The following SMG7 variants were observed in gnomAD, a reference collection of about 807,000 sequenced individuals.
The protein encoded by SMG7 is nonsense-mediated mRNA decay factor SMG7.
SMG7 carries 34 observed loss-of-function variants against 148.2 expected under a neutral mutation model. The observed-to-expected ratio is 0.23, with a 90% CI of 0.17 to 0.31. The LOEUF is 0.31. Among genes scored for constraint, SMG7 ranks in the 10% least tolerant of loss-of-function variants. The pLI, the probability that SMG7 is intolerant of heterozygous loss-of-function variation, is 1.00. For missense variants in SMG7, 1,114 were observed against 1,408.4 expected, an observed-to-expected ratio of 0.79 and a Z score of 3.35; for synonymous variants, 492 against 515.1, an observed-to-expected ratio of 0.96 and a Z score of 0.61.
chr1:183,539,973 C>T (rs1479474162), intron 12 of SMG7, among the ~76,000 whole-genome samples: 2 of 152,164 alleles, frequency 1.3e-5, no homozygotes, highest in Non-Finnish European at 2.9e-5. Context: ...TTCCCAGTTG[C>T]TCCACTGTCT....
chr1:183,545,352 A>T, intron 16 of SMG7, 40 bp downstream of exon 16: 1 of 1,575,188 alleles, frequency 6.3e-7, no homozygotes, highest in South Asian at 1.1e-5. Flanking sequence ...TGAATGAAAT[A>T]AGGGGAAATG....
intron 1 of SMG7, among the ~76,000 whole-genome samples, chr1:183,474,250 G>C (rs1048938351): frequency 6.6e-6 from 1 of 152,212 alleles, no homozygotes; most frequent in African/African-American, 2.4e-5. Context: ...AAACAGCACA[G>C]AGTGTAAGTA....
At chr1:183,490,072 A>T (rs929388144) in intron 1 of SMG7, among the ~76,000 whole-genome samples, 2 of 152,188 alleles carry the variant, frequency 1.3e-5, no homozygotes, top group Non-Finnish European at 2.9e-5. Context: ...AACACTGGTA[A>T]AGTATGGTAT....
intron 14 of SMG7, among the ~76,000 whole-genome samples, chr1:183,543,887 A>G (rs1481938800): frequency 1.3e-5 from 2 of 152,232 alleles, no homozygotes; most frequent in Admixed American, 1.3e-4. Flanking sequence ...CTGACTGCAC[A>G]TATGGCTACC....
chr1:183,532,628 C>G (rs1469589620), intron 8 of SMG7, among the ~76,000 whole-genome samples: 6 of 152,094 alleles, frequency 3.9e-5, no homozygotes, highest in Non-Finnish European at 8.8e-5. Flanking sequence ...ACCCTGTGTT[C>G]CAGAATATGT....
rs749345886 is a variant in SMG7, at chr1:183,546,093, C to T, written c.2498C>T (p.Pro833Leu). ...QTQDPIKLFE[P>L]SLQPPVMQQQ... ...CAAGACCCCATAAAACTGTTTGAGC[C>T]GTCATTGCAACCTCCTGTAATGCAG... The change falls in exon 17 of 23, where the codon CCG (proline) becomes CTG (leucine). Residue 833 changes from proline to leucine, a missense_variant. By Grantham distance (98) the Pro-to-Leu change is moderately conservative. This residue lies in a region of SMG7 where 788 missense variants were observed against 894.5 expected (regional missense o/e 0.88). Transcript: ENST00000688051. 16 of 1,613,894 alleles carry T rather than the reference C, an allele frequency of 9.9e-6. No individual in the cohort carries two copies. Among genetic ancestry groups the T allele is most frequent in the Admixed American group, 1.7e-5 (1 of 59,976 alleles).
Position 183,529,524 on chromosome 1 carries a change from A to G in SMG7, c.834A>G (p.Glu278=), listed in dbSNP as rs1375493448. The G allele has an allele frequency of 6.2e-7, 1 of 1,612,372 alleles. No individual in the cohort carries two copies. The highest frequency in any genetic ancestry group is 8.5e-7 in the Non-Finnish European group (1 of 1,178,948). ...KLSPLREKLE[E]QFKRLLFQKA... ...GCCCTCTTCGAGAGAAATTGGAAGA[A>G]CAGTTTAAGGTTAGATTTCAGAAAT... Residue 278 remains glutamate (E), a synonymous_variant, in exon 8 of 23, where the codon GAA becomes GAG. Transcript: ENST00000688051.
At chr1:183,498,244 G>GT (rs545441010) in intron 1 of SMG7, among the ~76,000 whole-genome samples, 71 of 152,158 alleles carry the variant, frequency 4.7e-4, no homozygotes, top group African/African-American at 1.6e-3. Flanking sequence ...ATAAAGCACT[G>GT]TTTCAGCTGA....
intron 20 of SMG7, 122 bp from the exon 21 acceptor site, chr1:183,550,629 C>G: frequency 1.1e-6 from 1 of 943,340 alleles, no homozygotes; most frequent in Non-Finnish European, 1.6e-6. Flanking sequence ...GTTTCCCTTT[C>G]CTTCAAAGCC....
Position 183,522,801 on chromosome 1 carries a change from G to A in SMG7, c.313-3795G>A, listed in dbSNP as rs1311178590. Among the ~76,000 whole-genome samples the A allele has an allele frequency of 2.0e-5, 3 of 151,234 alleles. No homozygotes were observed. The East Asian group carries it at 5.8e-4, about 29-fold the overall frequency. The stretch of plus-strand genomic sequence containing the variant: ...TTTTTGTTTTTTTTTTTTAAAGACA[G>A]GCGCTCACTCTATCATTTTGGCTGA... On this transcript the variant is annotated intron_variant, in intron 4 of 22. Coordinates refer to ENST00000688051, the MANE Select transcript of SMG7 (RefSeq NM_001375584.1).
intron 3 of SMG7, among the ~76,000 whole-genome samples, chr1:183,516,808 A>G (rs1417780927): frequency 1.3e-5 from 2 of 152,240 alleles, no homozygotes; most frequent in Non-Finnish European, 2.9e-5. Flanking sequence ...ATAAGATGTC[A>G]TCAGAAATGC....
chr1:183,485,525 T>C (rs1655236546), intron 1 of SMG7, among the ~76,000 whole-genome samples: 1 of 152,230 alleles, frequency 6.6e-6, no homozygotes, highest in South Asian at 2.1e-4. Flanking sequence ...AGCTGTTCTT[T>C]CTGCAGGTTT....
Position 183,552,390 on chromosome 1 carries a change from C to T in SMG7, c.*459C>T. The T allele has an allele frequency of 2.0e-6, 2 of 989,610 alleles. No homozygotes were observed. Among genetic ancestry groups the T allele is most frequent in the African/African-American group, 3.5e-5 (2 of 57,424 alleles). 61.3% of individuals were successfully genotyped at this position (989,610 alleles called of 1,614,324 possible). A position where few individuals can be genotyped will look rare whatever the true frequency, so the allele number is the denominator to read the frequency against. On this transcript the variant is annotated 3_prime_UTR_variant, in exon 23 of 23. Coordinates refer to ENST00000688051, the MANE Select transcript of SMG7 (RefSeq NM_001375584.1). ...TGTAGTTGAAATTATTCTTAAACAT[C>T]TTTTATTATTATTACTCTCAGTAGT...
intron 1 of SMG7, among the ~76,000 whole-genome samples, chr1:183,511,485 T>C (rs1441437684): frequency 6.6e-6 from 1 of 152,142 alleles, no homozygotes; most frequent in African/African-American, 2.4e-5. Flanking sequence ...TAAAGACCCC[T>C]AGTGTGAAAG....
chr1:183,475,618 T>C (rs1651963279), intron 1 of SMG7, among the ~76,000 whole-genome samples: 1 of 152,228 alleles, frequency 6.6e-6, no homozygotes, highest in Non-Finnish European at 1.5e-5. Flanking sequence ...ACTTCAAAAT[T>C]GGTCCTTTTT....
chr1:183,483,036 C>T (rs966361160), intron 1 of SMG7, among the ~76,000 whole-genome samples: 2 of 152,152 alleles, frequency 1.3e-5, no homozygotes, highest in Non-Finnish European at 2.9e-5. Flanking sequence ...AAAAACTTTG[C>T]AGACCCTTTG....
intron 4 of SMG7, among the ~76,000 whole-genome samples, chr1:183,525,694 A>C (rs1013684090): frequency 6.6e-6 from 1 of 152,174 alleles, no homozygotes; most frequent in Admixed American, 6.5e-5. Flanking sequence ...ATGTAGCAAT[A>C]GGCACACATA....
At chr1:183,550,050 T>C in intron 20 of SMG7, 127 bp downstream of exon 20, 1 of 714,476 alleles carries the variant, frequency 1.4e-6, no homozygotes, top group Non-Finnish European at 2.2e-6. Context: ...GTTTGTTTGT[T>C]TTTGTAACTT....
Position 183,541,093 on chromosome 1 carries a change from A to C in SMG7, c.1405A>C (p.Asn469His), listed in dbSNP as rs140277964. 3.1e-6 allele frequency: 5 copies of C among 1,613,324 alleles called. No homozygotes were observed. The South Asian group carries it at 5.5e-5, about 18-fold the overall frequency. The part of the protein sequence containing the change: ...LISIGKWIAD[N>H]QPRLIQCENE... ...CTCTATAGGCAAATGGATTGCTGAT[A>C]ATCAGCCAAGGTAAGTCTGGAACTT... The change falls in exon 13 of 23, where the codon AAT (asparagine) becomes CAT (histidine). Residue 469 changes from asparagine to histidine, a missense_variant. Coordinates refer to ENST00000688051, the MANE Select transcript of SMG7 (RefSeq NM_001375584.1).
Sources: allele counts gnomAD v4.1 joint callset (sites outside exome capture counted in the v4.1 genomes callset), GRCh38; gene constraint gnomAD v4.1.1; regional missense constraint gnomAD v4.1.1; transcripts MANE v1.5; gene names NCBI Gene and HGNC (gene_info 2026-07-23, HGNC 2026-07-21).